URI1: variants seen among roughly 807,000 people sequenced by gnomAD.
URI1 encodes the protein URI1 prefoldin like chaperone, also known as unconventional prefoldin RPB5 interactor 1.
In URI1, 39 loss-of-function variants were observed where a neutral mutation model predicts 60.2. The ratio of observed to expected loss-of-function variants is 0.65; its 90% confidence interval spans 0.50 to 0.85. URI1 has a LOEUF of 0.85. URI1 is among the 40% of genes least tolerant of loss of function. The probability of loss-of-function intolerance (pLI) is 0.00; values close to 1 mark genes in which losing one functional copy is unlikely to be tolerated. For synonymous variants in URI1, 251 were observed against 236.8 expected (o/e 1.06, Z -0.55); for missense variants, 691 against 665.9 (o/e 1.04, Z -0.42).
At chr19:29,960,062 G>T (rs1599675714) in intron 1 of URI1, among the ~76,000 whole-genome samples, 1 of 152,124 alleles carries the variant, frequency 6.6e-6, no homozygotes, top group East Asian at 1.9e-4. Flanking sequence ...AATTTCTATT[G>T]TGATTTGCTC....
intron 1 of URI1, among the ~76,000 whole-genome samples, chr19:29,967,044 C>T (rs752198350): frequency 3.3e-5 from 5 of 152,030 alleles, no homozygotes; most frequent in East Asian, 1.9e-4. Flanking sequence ...AGGTTTATGC[C>T]CTCTTGTGGT....
upstream of URI1, chr19:29,942,113 A>C (rs2055031873): frequency 1.6e-6 from 1 of 620,494 alleles, no homozygotes; most frequent in Non-Finnish European, 2.0e-6. Context: ...CCCAGCGCGG[A>C]CACCGCCAGC....
At chr19:29,924,629 C>T (rs2054850193) in intron 1 of URI1, among the ~76,000 whole-genome samples, 1 of 152,162 alleles carries the variant, frequency 6.6e-6, no homozygotes, top group Non-Finnish European at 1.5e-5. Flanking sequence ...AGAGCTCAGC[C>T]AATCAGAGGC....
Position 30,007,444 on chromosome 19 carries a change from C to G in URI1, c.518-26C>G. On this transcript the variant is annotated intron_variant, in intron 6 of 10. Coordinates refer to ENST00000392271, the MANE Select transcript of URI1 (RefSeq NM_003796.3). Reference sequence around the variant, plus strand: ...CCTTTTTTATGTTGGCTATTAACAGCCACGTCTTTTCCTTTTTCTAAATAG... The same window carrying G: ...CCTTTTTTATGTTGGCTATTAACAGGCACGTCTTTTCCTTTTTCTAAATAG... 1.9e-6 allele frequency: 3 copies of G among 1,607,688 alleles called. No homozygotes were observed. In the Middle Eastern group the frequency reaches 5.0e-4, roughly 267 times the overall value.
chr19:29,972,101 A>G (rs2055467591), intron 2 of URI1, among the ~76,000 whole-genome samples: 1 of 152,096 alleles, frequency 6.6e-6, no homozygotes, highest in Non-Finnish European at 1.5e-5. Context: ...GTTAGTGTAT[A>G]TCAAATGTTT....
chr19:29,985,520 ATATT>A (rs1216781466), intron 3 of URI1, among the ~76,000 whole-genome samples: 2 of 152,186 alleles, frequency 1.3e-5, no homozygotes, highest in African/African-American at 2.4e-5. Context: ...AATGACATAA[ATATT>A]AGCACAAAAT....
intron 4 of URI1, among the ~76,000 whole-genome samples, chr19:29,991,311 C>CAGGT: frequency 6.6e-6 from 1 of 152,258 alleles, no homozygotes; most frequent in South Asian, 2.1e-4. Context: ...TTTGAGCATA[C>CAGGT]AGGTCATATG....
chr19:29,967,499 A>C (rs1437788851), intron 1 of URI1, among the ~76,000 whole-genome samples: 1 of 152,238 alleles, frequency 6.6e-6, no homozygotes, highest in Admixed American at 6.5e-5. Flanking sequence ...CAGGAGCTGT[A>C]GGAGGCATTG....
At chr19:29,966,294 A>G (rs1599682057) in intron 1 of URI1, among the ~76,000 whole-genome samples, 1 of 152,138 alleles carries the variant, frequency 6.6e-6, no homozygotes, top group East Asian at 1.9e-4. Context: ...ATGCACCACC[A>G]CACCTGGCTA....
intron 1 of URI1, chr19:29,970,992 A>G (rs746273372): frequency 5.3e-6 from 3 of 563,984 alleles, no homozygotes; most frequent in Non-Finnish European, 9.5e-6. Context: ...TTCTGCAGTT[A>G]TCAGCCTGCA....
chr19:29,926,799 G>A (rs1324012327), intron 1 of URI1, among the ~76,000 whole-genome samples: 3 of 152,228 alleles, frequency 2.0e-5, no homozygotes, highest in Non-Finnish European at 4.4e-5. Flanking sequence ...CCCTGGAGAG[G>A]GGTCTGGGTC....
intron 2 of URI1, among the ~76,000 whole-genome samples, chr19:29,972,695 A>C (rs2055474591): frequency 6.6e-6 from 1 of 152,136 alleles, no homozygotes; most frequent in African/African-American, 2.4e-5. Flanking sequence ...TAAATGTTTG[A>C]GTAAATGACC....
At chr19:29,932,763 T>C (rs576464898) in intron 1 of URI1, among the ~76,000 whole-genome samples, 10 of 151,794 alleles carry the variant, frequency 6.6e-5, no homozygotes, top group African/African-American at 2.4e-4. Flanking sequence ...GCAATTCTCC[T>C]GCCTCAGCCT....
At chr19:29,958,138 A>G (rs1381283615) in intron 1 of URI1, 1 of 152,150 alleles carries the variant, frequency 6.6e-6, no homozygotes, top group Non-Finnish European at 1.5e-5. Flanking sequence ...TTCTGATAGT[A>G]TCTGTGTAGT....
intron 1 of URI1, chr19:29,956,692 G>T: frequency 1.3e-6 from 2 of 1,545,848 alleles, no homozygotes; most frequent in Non-Finnish European, 1.8e-6. Context: ...GTTGATGGGG[G>T]AAGTGAGCAT....
chr19:29,983,126 T>A (rs2055619453), intron 2 of URI1: 1 of 152,206 alleles, frequency 6.6e-6, no homozygotes, highest in Non-Finnish European at 1.5e-5. Flanking sequence ...TGTTTCGTAT[T>A]TATTTATAGA....
At position 29,942,331 on chromosome 19, in the gene URI1, CG is replaced by C; in HGVS notation, c.-216del. On this transcript the variant is annotated 5_prime_UTR_variant, in exon 1 of 11. Transcript: ENST00000392271. ...GGCAGGCGGCCTGCTACTCGGAGCCCGCTGCGGGGCGGCGGCGGCGGGGACA... is the reference window on the plus strand; with the variant it reads ...GGCAGGCGGCCTGCTACTCGGAGCCCCTGCGGGGCGGCGGCGGCGGGGACA... 1.0e-6 allele frequency: 1 copy of C among 985,084 alleles called. No individual in the cohort carries two copies. The highest frequency in any genetic ancestry group is 1.2e-6 in the Non-Finnish European group (1 of 829,676). The allele number at this position is 985,084 out of a possible 1,614,324, so 61.0% of individuals were successfully genotyped here.
At chr19:29,996,923 G>A (rs1173840504) in intron 4 of URI1, among the ~76,000 whole-genome samples, 1 of 151,700 alleles carries the variant, frequency 6.6e-6, no homozygotes, top group African/African-American at 2.4e-5. Flanking sequence ...TTTATATGTT[G>A]AACCCATCCT....
chr19:29,996,434 C>A (rs1287684372), intron 4 of URI1, among the ~76,000 whole-genome samples: 3 of 151,870 alleles, frequency 2.0e-5, no homozygotes, highest in African/African-American at 4.8e-5. Flanking sequence ...GATTTTGCAT[C>A]CTGCAACTTT....
Sources: gnomAD v4.1 joint callset for allele counts (sites outside exome capture counted in the v4.1 genomes callset) on GRCh38, gnomAD v4.1.1 for gene constraint, MANE v1.5 for transcripts, NCBI Gene and HGNC (gene_info 2026-07-23, HGNC 2026-07-21) for gene names.